Variants in IRF2BP2 observed in about 807,000 individuals in gnomAD.
The protein encoded by IRF2BP2 is interferon regulatory factor 2 binding protein 2.
IRF2BP2 carries 13 observed loss-of-function variants against 32.7 expected under a neutral mutation model. The observed-to-expected ratio is 0.40, with a 90% confidence interval of 0.26 to 0.63. The LOEUF (loss-of-function observed/expected upper bound fraction) is 0.63. Ranked by LOEUF, IRF2BP2 falls within the 30% of genes least tolerant of loss-of-function variation. The pLI is 0.42. For missense variants in IRF2BP2, 980 were observed against 830.6 expected, an observed-to-expected ratio of 1.18 and a Z score of -2.21; for synonymous variants, 555 against 384.6, an observed-to-expected ratio of 1.44 and a Z score of -5.18.
In IRF2BP2 at chr1:234,609,633, A is replaced by AGGCGGC. The variant is rs952821060; in HGVS notation, c.-145_-140dup. 5.7e-5 allele frequency: 18 copies of AGGCGGC among 316,842 alleles called. No individual in the cohort carries two copies. Among genetic ancestry groups the AGGCGGC allele is most frequent in the Admixed American group, 1.7e-4 (3 of 17,884 alleles). The allele number at this position is 316,842 out of a possible 1,614,324, so 19.6% of individuals were successfully genotyped here. A position where few individuals can be genotyped will look rare whatever the true frequency, so the allele number is the denominator to read the frequency against. On this transcript the variant is annotated 5_prime_UTR_variant, in exon 1 of 2. Coordinates refer to ENST00000366609, the MANE Select transcript of IRF2BP2 (RefSeq NM_182972.3). The stretch of plus-strand genomic sequence containing the variant: ...CCACCAGCGGCGGCGGCGGCCGCAA[A>AGGCGGC]GGCGGCGGCGGCGGCGGCAAAGCCC...
At position 234,608,918 on chromosome 1, in the gene IRF2BP2, T is replaced by C. The variant is rs1672257501; in HGVS notation, c.577A>G (p.Asn193Asp). The change falls in exon 1 of 2, where the codon AAC becomes GAC. Residue 193 changes from asparagine to aspartate, a missense_variant. Coordinates refer to ENST00000366609, the MANE Select transcript of IRF2BP2 (RefSeq NM_182972.3). ...GTGGGCAGCGGCGTGGCCGAGCCGT[T>C]CATGAGCGGCACCAGGGTGGGCGGC... ...AVPPTLVPLMNGSATPLPTAL... is the reference protein window; with the variant it reads ...AVPPTLVPLMDGSATPLPTAL... The C allele has an allele frequency of 7.3e-7, 1 of 1,372,724 alleles. No individual in the cohort carries two copies. The highest frequency in any genetic ancestry group is 9.3e-7 in the Non-Finnish European group (1 of 1,070,584). 85.0% of individuals were successfully genotyped at this position (1,372,724 alleles called of 1,614,324 possible). A position where few individuals can be genotyped will look rare whatever the true frequency, so the allele number is the denominator to read the frequency against.
In IRF2BP2 at chr1:234,609,747, C is replaced by A. The variant is rs1218581088; in HGVS notation, c.-253G>T. ...GCTGCAGCCGCGGCAGCAGTTCCCC[C>A]CGGCCGGCCCGGGCACGGGCGGGCG... On this transcript the variant is annotated 5_prime_UTR_variant, in exon 1 of 2. Coordinates refer to ENST00000366609, the MANE Select transcript of IRF2BP2 (RefSeq NM_182972.3). Among the ~76,000 whole-genome samples, 1 of 144,722 alleles carries A rather than the reference C, an allele frequency of 6.9e-6. No individual in the cohort carries two copies. Among genetic ancestry groups the A allele is most frequent in the East Asian group, 2.0e-4 (1 of 4,952 alleles). 94.9% of individuals were successfully genotyped at this position (144,722 alleles called of 152,430 possible).
chr1:234,604,592 A>G lies in IRF2BP2; in HGVS notation c.*2545T>C, dbSNP rs1167336184. The G allele has an allele frequency of 6.6e-6, 1 of 152,272 alleles. No individual in the cohort carries two copies. Among genetic ancestry groups the G allele is most frequent in the Non-Finnish European group, 1.5e-5 (1 of 68,048 alleles). 9.4% of individuals were successfully genotyped at this position (152,272 alleles called of 1,614,324 possible). ...TTAAATGTGAGGCCACATGAAAGAC[A>G]GTACATCTGTTAAATTCTATAAATT... On this transcript the variant is annotated 3_prime_UTR_variant, in exon 2 of 2. Transcript: ENST00000366609.
rs1483544149 is a variant in IRF2BP2, at chr1:234,609,119, G to A, written c.376C>T (p.Pro126Ser). 5 of 1,227,096 alleles carry A rather than the reference G, an allele frequency of 4.1e-6. No individual in the cohort carries two copies. Among genetic ancestry groups the A allele is most frequent in the South Asian group, 3.6e-5 (1 of 27,556 alleles). 76.0% of individuals were successfully genotyped at this position (1,227,096 alleles called of 1,614,324 possible). A position where few individuals can be genotyped will look rare whatever the true frequency, so the allele number is the denominator to read the frequency against. ...CCGAAGTCAGAGCCGAGGCGCGGGGGCCTCTCGGCCGCGGCCGCCAACGGG... is the reference window on the plus strand; with the variant it reads ...CCGAAGTCAGAGCCGAGGCGCGGGGACCTCTCGGCCGCGGCCGCCAACGGG... ...RYPLAAAAER[P>S]PRLGSDFGSS... The change falls in exon 1 of 2, where the codon CCC becomes TCC. Residue 126 changes from proline to serine, a missense_variant. Transcript: ENST00000366609.
In IRF2BP2 at chr1:234,606,353, A is replaced by G. The variant is rs1473801744; in HGVS notation, c.*784T>C. Reference sequence around the variant, plus strand: ...TCTTGTACACACCACCATCCATTATAACCGCCTTCCATCACTGGAATTGTA... The same window carrying G: ...TCTTGTACACACCACCATCCATTATGACCGCCTTCCATCACTGGAATTGTA... On this transcript the variant is annotated 3_prime_UTR_variant, in exon 2 of 2. Coordinates refer to ENST00000366609, the MANE Select transcript of IRF2BP2 (RefSeq NM_182972.3). 6.6e-6 allele frequency: 1 copy of G among 152,178 alleles called. No homozygotes were observed. Among genetic ancestry groups the G allele is most frequent in the African/African-American group, 2.4e-5 (1 of 41,440 alleles). The allele number at this position is 152,178 out of a possible 1,614,324, so 9.4% of individuals were successfully genotyped here.
rs1483544149 is a variant in IRF2BP2 at position 234,609,119 on chromosome 1, G to T, written c.376C>A (p.Pro126Thr). The T allele has an allele frequency of 2.4e-6, 3 of 1,227,204 alleles. No individual in the cohort carries two copies. Among genetic ancestry groups the T allele is most frequent in the East Asian group, 6.7e-5 (2 of 29,918 alleles). The allele number at this position is 1,227,204 out of a possible 1,614,324, so 76.0% of individuals were successfully genotyped here. Reference protein sequence around the residue: ...RYPLAAAAERPPRLGSDFGSS... With the variant: ...RYPLAAAAERTPRLGSDFGSS... ...CCGAAGTCAGAGCCGAGGCGCGGGG[G>T]CCTCTCGGCCGCGGCCGCCAACGGG... Residue 126 changes from proline (P) to threonine (T), a missense_variant, in exon 1 of 2, where the codon CCC becomes ACC. By Grantham distance (38) the Pro-to-Thr change is conservative. Transcript: ENST00000366609.
Position 234,608,631 on chromosome 1 carries a change from G to A in IRF2BP2, c.864C>T (p.Gly288=), listed in dbSNP as rs768782125. The A allele has an allele frequency of 2.6e-5, 41 of 1,563,770 alleles. No individual in the cohort carries two copies. Among genetic ancestry groups the A allele is most frequent in the Non-Finnish European group, 3.3e-5 (38 of 1,160,050 alleles). Residue 288 remains glycine, a synonymous_variant, in exon 1 of 2, where the codon GGC becomes GGT. Coordinates refer to ENST00000366609, the MANE Select transcript of IRF2BP2 (RefSeq NM_182972.3). ...GAAELSAEGA[G]KSRGSGEQDW... is the part of the protein sequence containing the mutation. The stretch of plus-strand genomic sequence containing the variant: ...CCTGCTCTCCAGACCCGCGGCTCTT[G>A]CCCGCACCTTCCGCGCTCAGCTCGG...
rs938461271 is a variant in IRF2BP2, at chr1:234,607,071, GAT to G, written c.*64_*65del. The stretch of plus-strand genomic sequence containing the variant: ...TGTCTTGGATATATATATATATGGA[GAT>G]ATATATACAATTCAAGCAGTTTTAA... On this transcript the variant is annotated 3_prime_UTR_variant, in exon 2 of 2. Transcript: ENST00000366609. 4 of 1,014,220 alleles carry G rather than the reference GAT, an allele frequency of 3.9e-6. No homozygotes were observed. Among genetic ancestry groups the G allele is most frequent in the South Asian group, 3.0e-5 (2 of 66,992 alleles). 62.8% of individuals were successfully genotyped at this position (1,014,220 alleles called of 1,614,324 possible).
chr1:234,605,457 G>A lies in IRF2BP2; in HGVS notation c.*1680C>T, dbSNP rs1403769709. ...ACACTACGGAAAAACACTGTATTTG[G>A]TGCAGTATCTGATTTTCAAGTGTTA... On this transcript the variant is annotated 3_prime_UTR_variant, in exon 2 of 2. Coordinates refer to ENST00000366609, the MANE Select transcript of IRF2BP2 (RefSeq NM_182972.3). 6.6e-6 allele frequency: 1 copy of A among 152,202 alleles called. No individual in the cohort carries two copies. Among genetic ancestry groups the A allele is most frequent in the Non-Finnish European group, 1.5e-5 (1 of 68,046 alleles). The allele number at this position is 152,202 out of a possible 1,614,324, so 9.4% of individuals were successfully genotyped here.
Position 234,606,769 on chromosome 1 carries a change from T to G in IRF2BP2, c.*368A>C, listed in dbSNP as rs1338250770. ...ATCTTACAATGTCAGAAAATGTATT[T>G]GGCTTTTTTTTTCTTTTTAAAATAA... On this transcript the variant is annotated 3_prime_UTR_variant, in exon 2 of 2. Transcript: ENST00000366609. The G allele has an allele frequency of 6.2e-6, 1 of 160,834 alleles. No individual in the cohort carries two copies. Among genetic ancestry groups the G allele is most frequent in the African/African-American group, 2.4e-5 (1 of 41,608 alleles). 10.0% of individuals were successfully genotyped at this position (160,834 alleles called of 1,614,324 possible).
chr1:234,608,805 G>C lies in IRF2BP2; in HGVS notation c.690C>G (p.Thr230=). The C allele has an allele frequency of 2.1e-6, 3 of 1,409,258 alleles. No homozygotes were observed. Among genetic ancestry groups the C allele is most frequent in the Non-Finnish European group, 2.8e-6 (3 of 1,090,590 alleles). 87.3% of individuals were successfully genotyped at this position (1,409,258 alleles called of 1,614,324 possible). A position where few individuals can be genotyped will look rare whatever the true frequency, so the allele number is the denominator to read the frequency against. The part of the protein sequence containing the change: ...AAASLGSAQP[T]DLGAHKRPAS... ...CCGGCCGCTTGTGGGCGCCCAGATC[G>C]GTGGGCTGCGCGGAGCCCAGGCTGG... Residue 230 remains threonine (T), a synonymous_variant, in exon 1 of 2, where the codon ACC becomes ACG. Transcript: ENST00000366609.
Position 234,608,511 on chromosome 1 carries a change from C to G in IRF2BP2, c.984G>C (p.Glu328Asp), listed in dbSNP as rs1672233843. 3 of 1,610,082 alleles carry G rather than the reference C, an allele frequency of 1.9e-6. No individual in the cohort carries two copies. Among genetic ancestry groups the G allele is most frequent in the Non-Finnish European group, 2.5e-6 (3 of 1,178,698 alleles). Residue 328 changes from glutamate (E) to aspartate (D), a missense_variant, in exon 1 of 2, where the codon GAG (glutamate) becomes GAC (aspartate). By Grantham distance (45) the Glu-to-Asp change is conservative (BLOSUM62 2). Transcript: ENST00000366609. ...ACAACCTGCCTGCAGTCAGGGCCGG[C>G]TCCTTCTTAAACTTGCTCTCGAAGG... Reference protein sequence around the residue: ...SGPFESKFKKEPALTAGRLLG... With the variant: ...SGPFESKFKKDPALTAGRLLG...
rs1161062120 is a variant in IRF2BP2 at position 234,606,051 on chromosome 1, C to G, written c.*1086G>C. 1 of 152,220 alleles carries G rather than the reference C, an allele frequency of 6.6e-6. No homozygotes were observed. The highest frequency in any genetic ancestry group is 1.5e-5 in the Non-Finnish European group (1 of 68,044). 9.4% of individuals were successfully genotyped at this position (152,220 alleles called of 1,614,324 possible). On this transcript the variant is annotated 3_prime_UTR_variant, in exon 2 of 2. Coordinates refer to ENST00000366609, the MANE Select transcript of IRF2BP2 (RefSeq NM_182972.3). ...CCCAAGGGCAGTCCTGGCAGCACCA[C>G]GCGGCTGTTACTGTCATTGTACCAT...
Position 234,607,162 on chromosome 1 carries a change from T to C in IRF2BP2, c.1739A>G (p.Lys580Arg). 1 of 1,609,220 alleles carries C rather than the reference T, an allele frequency of 6.2e-7. No homozygotes were observed. The highest frequency in any genetic ancestry group is 8.5e-7 in the Non-Finnish European group (1 of 1,176,166). Residue 580 changes from lysine to arginine, a missense_variant, in exon 2 of 2, where the codon AAA becomes AGA. Lys to Arg is a conservative substitution (Grantham distance 26). Coordinates refer to ENST00000366609, the MANE Select transcript of IRF2BP2 (RefSeq NM_182972.3). Reference sequence around the variant, plus strand: ...TCACGAGTCTCTCTCTTTTTTCACTTTCACATCTCCAGCAAGGATGGTTGC... The same window carrying C: ...TCACGAGTCTCTCTCTTTTTTCACTCTCACATCTCCAGCAAGGATGGTTGC... ...EIATILAGDV[K>R]VKKERDS
chr1:234,608,732 C>A lies in IRF2BP2; in HGVS notation c.763G>T (p.Ala255Ser). 1 of 1,499,116 alleles carries A rather than the reference C, an allele frequency of 6.7e-7. No homozygotes were observed. The allele number at this position is 1,499,116 out of a possible 1,614,324, so 92.9% of individuals were successfully genotyped here. The change falls in exon 1 of 2, where the codon GCA (alanine) becomes TCA (serine). Residue 255 changes from alanine (A) to serine (S), a missense_variant. Coordinates refer to ENST00000366609, the MANE Select transcript of IRF2BP2 (RefSeq NM_182972.3). Reference protein sequence around the residue: ...AAVEHEQREAAAKEKQPPPPA... With the variant: ...AAVEHEQREASAKEKQPPPPA... Reference sequence around the variant, plus strand: ...GGCGGCGGTTGTTTCTCCTTGGCTGCCGCCTCACGCTGCTCGTGCTCCACG... The same window carrying A: ...GGCGGCGGTTGTTTCTCCTTGGCTGACGCCTCACGCTGCTCGTGCTCCACG...
chr1:234,606,968 C>CAA lies in IRF2BP2; in HGVS notation c.*167_*168dup, dbSNP rs140530183. ...TTTATAAGTACATACCTTTTGTCGT[C>CAA]AAAAAAAATATAGAAACACAATGTA... On this transcript the variant is annotated 3_prime_UTR_variant, in exon 2 of 2. Coordinates refer to ENST00000366609, the MANE Select transcript of IRF2BP2 (RefSeq NM_182972.3). 18 of 563,120 alleles carry CAA rather than the reference C, an allele frequency of 3.2e-5. No individual in the cohort carries two copies. The highest frequency in any genetic ancestry group is 3.0e-4 in the African/African-American group (16 of 52,672). The allele number at this position is 563,120 out of a possible 1,614,324, so 34.9% of individuals were successfully genotyped here.
At position 234,609,749 on chromosome 1, in the gene IRF2BP2, G is replaced by A. The variant is rs1271497903; in HGVS notation, c.-255C>T. On this transcript the variant is annotated 5_prime_UTR_variant, in exon 1 of 2. Transcript: ENST00000366609. ...TGCAGCCGCGGCAGCAGTTCCCCCC[G>A]GCCGGCCCGGGCACGGGCGGGCGGC... Among the ~76,000 whole-genome samples, 2 of 144,068 alleles carry A rather than the reference G, an allele frequency of 1.4e-5. No individual in the cohort carries two copies. The highest frequency in any genetic ancestry group is 2.0e-4 in the East Asian group (1 of 4,912). 94.5% of individuals were successfully genotyped at this position (144,068 alleles called of 152,430 possible).
At position 234,608,357 on chromosome 1, in the gene IRF2BP2, G is replaced by A. The variant is rs1354833630; in HGVS notation, c.1048+90C>T. On this transcript the variant is annotated intron_variant, in intron 1 of 1. Transcript: ENST00000366609. ...TGGGGTGTTTGTTGTTTCTGGGCTG[G>A]GGTAAAATGGTGAATCCAAAGAACC... 6.4e-6 allele frequency: 7 copies of A among 1,094,372 alleles called. No homozygotes were observed. In the Admixed American group the frequency reaches 1.9e-4, roughly 30 times the overall value. The allele number at this position is 1,094,372 out of a possible 1,614,324, so 67.8% of individuals were successfully genotyped here. A position where few individuals can be genotyped will look rare whatever the true frequency, so the allele number is the denominator to read the frequency against.
Position 234,609,669 on chromosome 1 carries a change from G to C in IRF2BP2, c.-175C>G, listed in dbSNP as rs1469836515. ...GCGGCGGCAAAGCCCGCGAAGGCTC[G>C]GCGCCCGCGCAGCGCCCCCGGTGCA... On this transcript the variant is annotated 5_prime_UTR_variant, in exon 1 of 2. Transcript: ENST00000366609. The C allele has an allele frequency of 1.6e-5, 3 of 184,312 alleles. No homozygotes were observed. The highest frequency in any genetic ancestry group is 2.4e-5 in the African/African-American group (1 of 41,130). 11.4% of individuals were successfully genotyped at this position (184,312 alleles called of 1,614,324 possible). A position where few individuals can be genotyped will look rare whatever the true frequency, so the allele number is the denominator to read the frequency against.
Sources: gnomAD v4.1 joint callset for allele counts (sites outside exome capture counted in the v4.1 genomes callset) on GRCh38, gnomAD v4.1.1 for gene constraint, MANE v1.5 for transcripts, NCBI Gene and HGNC (gene_info 2026-07-23, HGNC 2026-07-21) for gene names.